EPB41L1: variants seen among roughly 807,000 people sequenced by gnomAD.
The protein encoded by EPB41L1 is erythrocyte membrane protein band 4.1 like 1, also known as band 4.1-like protein 1.
In EPB41L1, 29 loss-of-function variants were observed where a neutral mutation model predicts 97.8. The ratio of observed to expected loss-of-function variants is 0.30; its 90% CI spans 0.22 to 0.40. The LOEUF is 0.40. EPB41L1 is among the 10% of genes least tolerant of loss of function. The pLI is 1.00. For missense variants in EPB41L1, 812 were observed against 1,162.3 expected (o/e 0.70, Z 4.38); for synonymous variants, 383 against 459.2 (o/e 0.83, Z 2.12).
At position 36,232,367 on chromosome 20, in the gene EPB41L1, C is replaced by A. The variant is rs8122857; in HGVS notation, c.*3027C>A. The A allele has an allele frequency of 0.013, 4,736 of 360,430 alleles. 102 individuals carry two copies. The highest frequency in any genetic ancestry group is 0.056 in the African/African-American group (2,713 of 48,034). 22.3% of individuals were successfully genotyped at this position (360,430 alleles called of 1,614,324 possible). A position where few individuals can be genotyped will look rare whatever the true frequency, so the allele number is the denominator to read the frequency against. ...CAGCTCCTAACTCACCATGTGACAT[C>A]AGGCTATCCCCATTCCCCCTCTTGG... is the stretch of plus-strand genomic sequence containing the variant. On this transcript the variant is annotated 3_prime_UTR_variant, in exon 22 of 22. Coordinates refer to ENST00000338074, the MANE Select transcript of EPB41L1 (RefSeq NM_012156.2).
At chr20:36,213,574 C>T (rs2063264863) in intron 16 of EPB41L1, among the ~76,000 whole-genome samples, 2 of 152,104 alleles carry the variant, frequency 1.3e-5, no homozygotes, top group Non-Finnish European at 2.9e-5. Context: ...AGCTGCTTCC[C>T]CCACTGACCT....
At chr20:36,186,558 G>A (rs1285271287) in intron 7 of EPB41L1, among the ~76,000 whole-genome samples, 2 of 152,066 alleles carry the variant, frequency 1.3e-5, no homozygotes, top group Non-Finnish European at 1.5e-5. Context: ...GGTTAATAGC[G>A]ACTGCTGTGG....
chr20:36,185,068 T>C (rs899507158), intron 6 of EPB41L1, 49 bp from the exon 7 acceptor site: 7 of 1,578,772 alleles, frequency 4.4e-6, no homozygotes, highest in African/African-American at 2.7e-5. Flanking sequence ...TTGGGGGATC[T>C]AGGGAGGAGT....
At chr20:36,131,340 C>T (rs887759494) in intron 2 of EPB41L1, among the ~76,000 whole-genome samples, 8 of 151,908 alleles carry the variant, frequency 5.3e-5, no homozygotes, top group African/African-American at 1.9e-4. Context: ...AAATTCCTGA[C>T]GTCAGGTGAT....
intron 16 of EPB41L1, among the ~76,000 whole-genome samples, chr20:36,213,232 T>C (rs1328469562): frequency 6.6e-6 from 1 of 152,060 alleles, no homozygotes; most frequent in African/African-American, 2.4e-5. Context: ...ACCCCAGCTC[T>C]ACAAAAAATA....
At chr20:36,139,149 C>T (rs781102870) in intron 2 of EPB41L1, among the ~76,000 whole-genome samples, 2 of 152,166 alleles carry the variant, frequency 1.3e-5, no homozygotes, top group African/African-American at 2.4e-5. Flanking sequence ...GGTACAGGGA[C>T]GCTGTACCCC....
Position 36,120,959 on chromosome 20 carries a change from C to T in EPB41L1, c.-10+8479C>T, listed in dbSNP as rs117310066. 1.7e-3 allele frequency among the ~76,000 whole-genome samples: 262 copies of T among 152,000 alleles called. 1 individual carries two copies. Among genetic ancestry groups the T allele is most frequent in the Non-Finnish European group, 2.8e-3 (193 of 67,986 alleles). On this transcript the variant is annotated intron_variant, in intron 2 of 19. Transcript: ENST00000202028. Reference sequence around the variant, plus strand: ...GGATTAATGTCCCTATAAAAGATCCCAGAGCCTTTGGTAGTTCATGAGCAT... The same window carrying T: ...GGATTAATGTCCCTATAAAAGATCCTAGAGCCTTTGGTAGTTCATGAGCAT...
chr20:36,152,488 G>C (rs2060095515), upstream of EPB41L1: 1 of 155,098 alleles, frequency 6.4e-6, no homozygotes, highest in Non-Finnish European at 1.4e-5. Flanking sequence ...CAGGGAAGGA[G>C]AGTTGAACTA....
intron 4 of EPB41L1, among the ~76,000 whole-genome samples, chr20:36,178,327 C>G (rs1326429416): frequency 1.3e-5 from 2 of 152,176 alleles, no homozygotes; most frequent in Admixed American, 6.5e-5. Context: ...GAGCTTCTCC[C>G]CTACCCTTGG....
At chr20:36,134,885 G>C (rs2147784199) in intron 2 of EPB41L1, among the ~76,000 whole-genome samples, 1 of 142,084 alleles carries the variant, frequency 7.0e-6, no homozygotes, top group Admixed American at 7.1e-5. Flanking sequence ...TTTGAACCAG[G>C]GTCCCACTCT....
At chr20:36,125,840 T>C (rs1017774868) in intron 2 of EPB41L1, among the ~76,000 whole-genome samples, 10 of 152,004 alleles carry the variant, frequency 6.6e-5, no homozygotes, top group African/African-American at 2.2e-4. Flanking sequence ...TGGTAGTCTG[T>C]TGGTGTGGCC....
intron 1 of EPB41L1, among the ~76,000 whole-genome samples, chr20:36,100,693 G>T (rs181963135): frequency 3.4e-4 from 52 of 152,324 alleles, no homozygotes; most frequent in African/African-American, 1.3e-3. Flanking sequence ...GAAGCCCACC[G>T]GTACTCTTGA....
chr20:36,218,849 G>A (rs747386811), intron 17 of EPB41L1, 27 bp from the exon 18 acceptor site: 2 of 1,611,422 alleles, frequency 1.2e-6, no homozygotes, highest in Non-Finnish European at 1.7e-6. Context: ...CTGAGAGCTG[G>A]CCATCTGAGC....
At chr20:36,111,656 G>A (rs1013246321) in intron 1 of EPB41L1, among the ~76,000 whole-genome samples, 7 of 151,918 alleles carry the variant, frequency 4.6e-5, no homozygotes, top group South Asian at 2.1e-4. Flanking sequence ...GCGTTGTGGC[G>A]CACGCCTGTA....
intron 2 of EPB41L1, among the ~76,000 whole-genome samples, chr20:36,129,142 G>A (rs565137658): frequency 6.6e-6 from 1 of 152,252 alleles, no homozygotes; most frequent in East Asian, 1.9e-4. Context: ...AAGCCAGCAT[G>A]GGTGGGGGTG....
At chr20:36,222,069 C>G in intron 20 of EPB41L1, 125 bp downstream of exon 20, 1 of 1,136,954 alleles carries the variant, frequency 8.8e-7, no homozygotes, top group African/African-American at 1.5e-5. Flanking sequence ...TGACCCTGTT[C>G]AGATAAGAAA....
At position 36,163,994 on chromosome 20, in the gene EPB41L1, C is replaced by T. The variant is rs887737415; in HGVS notation, c.-15+9098C>T. ...TAGTAGCTGGGACTACAGGCGCCTG[C>T]CACCACACCCAGTTAATTTTTATAT... On this transcript the variant is annotated intron_variant, in intron 1 of 21. Coordinates refer to ENST00000338074, the MANE Select transcript of EPB41L1 (RefSeq NM_012156.2). Among the ~76,000 whole-genome samples, 3 of 152,232 alleles carry T rather than the reference C, an allele frequency of 2.0e-5. No individual in the cohort carries two copies. The South Asian group carries it at 6.2e-4, about 32-fold the overall frequency.
intron 6 of EPB41L1, 47 bp from the exon 7 acceptor site, chr20:36,185,070 G>T: frequency 6.3e-7 from 1 of 1,583,602 alleles, no homozygotes; most frequent in South Asian, 1.1e-5. Context: ...GGGGGATCTA[G>T]GGAGGAGTAG....
intron 5 of EPB41L1, among the ~76,000 whole-genome samples, chr20:36,180,169 A>T (rs1382782596): frequency 6.6e-6 from 1 of 152,242 alleles, no homozygotes; most frequent in Non-Finnish European, 1.5e-5. Context: ...TACCTTATCC[A>T]GGAGAGCCAC....
Sources: allele counts gnomAD v4.1 joint callset (sites outside exome capture counted in the v4.1 genomes callset), GRCh38; gene constraint gnomAD v4.1.1; transcripts MANE v1.5; gene names NCBI Gene and HGNC (gene_info 2026-07-23, HGNC 2026-07-21).